The following ERCC5 variants were observed in gnomAD, a reference collection of about 807,000 sequenced individuals.
ERCC5 encodes the protein DNA excision repair protein ERCC-5.
Under a neutral mutation model 105.6 loss-of-function variants are expected in ERCC5, and 68 were observed. The ratio of observed to expected loss-of-function variants is 0.64; its 90% CI spans 0.53 to 0.79. The LOEUF (loss-of-function observed/expected upper bound fraction) is 0.79. ERCC5 is among the 30% of genes least tolerant of loss of function. The pLI is 0.00. For synonymous variants in ERCC5, 546 were observed against 526.2 expected (o/e 1.04, Z -0.51); for missense variants, 1,373 against 1,426.7 (o/e 0.96, Z 0.61).
At position 102,875,604 on chromosome 13, in the gene ERCC5, T is replaced by C; in HGVS notation, c.3262T>C (p.Leu1088=). 2 of 1,613,554 alleles carry C rather than the reference T, an allele frequency of 1.2e-6. No individual in the cohort carries two copies. The highest frequency in any genetic ancestry group is 1.7e-6 in the Non-Finnish European group (2 of 1,179,744). Residue 1088 remains leucine, a synonymous_variant, in exon 15 of 15, where the codon TTG becomes CTG. Transcript: ENST00000652225. The part of the protein sequence containing the change: ...SKGKNTCGGF[L]GETCLSESSD... ...AGGAAAGAATACATGCGGTGGATTT[T>C]TGGGGGAGACCTGCCTCTCAGAATC... is the stretch of plus-strand genomic sequence containing the variant.
At position 102,875,471 on chromosome 13, in the gene ERCC5, A is replaced by G. The variant is rs1054883581; in HGVS notation, c.3129A>G (p.Lys1043=). 6.2e-7 allele frequency: 1 copy of G among 1,614,096 alleles called. No homozygotes were observed. Among genetic ancestry groups the G allele is most frequent in the African/African-American group, 1.3e-5 (1 of 74,940 alleles). The change falls in exon 15 of 15, where the codon AAA becomes AAG. Residue 1043 remains lysine (K), a synonymous_variant. Transcript: ENST00000652225. ...EIEAVSVAME[K]EFELLDKAKG... is the part of the protein sequence containing the mutation. ...AAGCAGTTTCTGTTGCCATGGAGAA[A>G]GAATTTGAGCTACTTGATAAGGCAA... is the stretch of plus-strand genomic sequence containing the variant.
In ERCC5 at chr13:102,875,596, G is replaced by A. The variant is rs200330676; in HGVS notation, c.3254G>A (p.Gly1085Asp). 1.9e-6 allele frequency: 3 copies of A among 1,613,568 alleles called. No individual in the cohort carries two copies. The highest frequency in any genetic ancestry group is 2.5e-6 in the Non-Finnish European group (3 of 1,179,758). The change falls in exon 15 of 15, where the codon GGT (glycine) becomes GAT (aspartate). Residue 1085 changes from glycine to aspartate, a missense_variant. Physicochemically the swap from Gly to Asp is moderately conservative, Grantham distance 94. Transcript: ENST00000652225. ...LSDSKGKNTC[G>D]GFLGETCLSE... is the part of the protein sequence containing the mutation. ...GATTCTAAAGGAAAGAATACATGCG[G>A]TGGATTTTTGGGGGAGACCTGCCTC... is the stretch of plus-strand genomic sequence containing the variant.
intron 12 of ERCC5, among the ~76,000 whole-genome samples, chr13:102,870,326 C>T (rs1367890440): frequency 6.6e-6 from 1 of 152,148 alleles, no homozygotes; most frequent in Non-Finnish European, 1.5e-5. Flanking sequence ...AAATACTGGG[C>T]CTGAATTTCT....
In ERCC5 at chr13:102,854,319, C is replaced by T. The variant is rs188898060; in HGVS notation, c.412C>T (p.Arg138Ter). Reference protein sequence around the residue: ...DEALPSLTQVRRENDLYVLPP... With the variant: ...DEALPSLTQV Reference sequence around the variant, plus strand: ...AGCACTACCCAGTCTTACCCAAGTTCGAAGAGAAAACGACCTCTATGTTTT... The same window carrying T: ...AGCACTACCCAGTCTTACCCAAGTTTGAAGAGAAAACGACCTCTATGTTTT... Residue 138 changes from arginine (R) to a stop codon, truncating the protein, a stop_gained, in exon 4 of 15, where the codon CGA (arginine) becomes TGA (stop). Coordinates refer to ENST00000652225, the MANE Select transcript of ERCC5 (RefSeq NM_000123.4). LOFTEE classifies it high-confidence loss of function. 3.7e-6 allele frequency: 6 copies of T among 1,614,030 alleles called. No individual in the cohort carries two copies. Among genetic ancestry groups the T allele is most frequent in the East Asian group, 2.2e-5 (1 of 44,866 alleles).
chr13:102,866,416 T>A (rs759031745), intron 10 of ERCC5, 35 bp downstream of exon 10: 1 of 1,613,968 alleles, frequency 6.2e-7, no homozygotes, highest in South Asian at 1.1e-5. Context: ...CTTTACCACC[T>A]TCTTCAGACC....
intron 4 of ERCC5, among the ~76,000 whole-genome samples, chr13:102,855,103 T>C (rs1882362082): frequency 6.6e-6 from 1 of 152,232 alleles, no homozygotes; most frequent in African/African-American, 2.4e-5. Context: ...CTTTTAAACT[T>C]CTTTCTGTCT....
rs1372959301 is a variant in ERCC5 at position 102,854,320 on chromosome 13, G to A, written c.413G>A (p.Arg138Gln). The change falls in exon 4 of 15, where the codon CGA becomes CAA. Residue 138 changes from arginine to glutamine, a missense_variant. Physicochemically the swap from Arg to Gln is conservative, Grantham distance 43. Coordinates refer to ENST00000652225, the MANE Select transcript of ERCC5 (RefSeq NM_000123.4). ...DEALPSLTQVRRENDLYVLPP... is the reference protein window; with the variant it reads ...DEALPSLTQVQRENDLYVLPP... ...GCACTACCCAGTCTTACCCAAGTTC[G>A]AAGAGAAAACGACCTCTATGTTTTG... 6.2e-6 allele frequency: 10 copies of A among 1,614,032 alleles called. No homozygotes were observed. Among genetic ancestry groups the A allele is most frequent in the Non-Finnish European group, 8.5e-6 (10 of 1,180,048 alleles).
chr13:102,858,156 C>A, intron 5 of ERCC5, 119 bp from the exon 6 acceptor site: 1 of 1,414,698 alleles, frequency 7.1e-7, no homozygotes, highest in South Asian at 1.3e-5. Flanking sequence ...CTGTGTTTAG[C>A]CAATTGTTGA....
chr13:102,874,159 G>A (rs981925835), intron 14 of ERCC5, among the ~76,000 whole-genome samples: 1 of 152,064 alleles, frequency 6.6e-6, no homozygotes, highest in Non-Finnish European at 1.5e-5. Flanking sequence ...AAATTTTGTT[G>A]TAATATTTAT....
intron 3 of ERCC5, 200 bp downstream of exon 3, chr13:102,854,072 A>G: frequency 1.4e-6 from 1 of 732,120 alleles, no homozygotes; most frequent in Admixed American, 2.8e-5. Flanking sequence ...CAACTTTGCT[A>G]ATGAGAAAAA....
At chr13:102,851,655 A>G (rs1218511849) in intron 1 of ERCC5, among the ~76,000 whole-genome samples, 1 of 152,198 alleles carries the variant, frequency 6.6e-6, no homozygotes, top group Non-Finnish European at 1.5e-5. Flanking sequence ...TATTTTCATT[A>G]TTATAAACAA....
intron 5 of ERCC5, among the ~76,000 whole-genome samples, chr13:102,856,395 T>C (rs1882422328): frequency 6.6e-6 from 1 of 152,230 alleles, no homozygotes; most frequent in Non-Finnish European, 1.5e-5. Context: ...AATATGTGCT[T>C]ACATAGAAAA....
Position 102,875,544 on chromosome 13 carries a change from T to C in ERCC5, c.3202T>C (p.Ser1068Pro), listed in dbSNP as rs765888642. 6.2e-7 allele frequency: 1 copy of C among 1,613,314 alleles called. No individual in the cohort carries two copies. The highest frequency in any genetic ancestry group is 8.5e-7 in the Non-Finnish European group (1 of 1,179,736). Residue 1068 changes from serine to proline, a missense_variant, in exon 15 of 15, where the codon TCA becomes CCA. Coordinates refer to ENST00000652225, the MANE Select transcript of ERCC5 (RefSeq NM_000123.4). ...RGITNTLEES[S>P]SLKRKRLSDS... ...CATAACAAATACCTTAGAAGAGTCA[T>C]CAAGCCTGAAAAGAAAGAGGCTTTC...
chr13:102,873,461 T>G, intron 14 of ERCC5, 118 bp downstream of exon 14: 2 of 1,143,092 alleles, frequency 1.7e-6, no homozygotes, highest in Non-Finnish European at 2.6e-6. Flanking sequence ...GAAATTAGGA[T>G]AATTTAGATG....
At chr13:102,863,696 G>T (rs1331107897) in intron 8 of ERCC5, among the ~76,000 whole-genome samples, 1 of 152,186 alleles carries the variant, frequency 6.6e-6, no homozygotes, top group African/African-American at 2.4e-5. Flanking sequence ...AAAAGCTTGA[G>T]TTGCCACACT....
intron 8 of ERCC5, chr13:102,864,678 A>G (rs1032870162): frequency 2.0e-5 from 3 of 152,224 alleles, no homozygotes; most frequent in African/African-American, 7.2e-5. Flanking sequence ...CCATTTCACC[A>G]GGGAGCTCTG....
At chr13:102,867,881 T>A (rs574031001) in intron 11 of ERCC5, among the ~76,000 whole-genome samples, 1 of 152,342 alleles carries the variant, frequency 6.6e-6, no homozygotes, top group Admixed American at 6.5e-5. Context: ...GCTAGATAGC[T>A]AACTTTGGGG....
intron 7 of ERCC5, 76 bp from the exon 8 acceptor site, chr13:102,861,954 C>T: frequency 6.4e-7 from 1 of 1,558,912 alleles, no homozygotes; most frequent in Admixed American, 1.7e-5. Context: ...AACCAGTGTT[C>T]TCTTATCCAT....
At chr13:102,875,207 T>C in intron 14 of ERCC5, 100 bp from the exon 15 acceptor site, 1 of 1,288,036 alleles carries the variant, frequency 7.8e-7, no homozygotes, top group South Asian at 1.3e-5. Flanking sequence ...TCTGACATAG[T>C]AATCCAATGT....
Sources: allele counts gnomAD v4.1 joint callset (sites outside exome capture counted in the v4.1 genomes callset), GRCh38; gene constraint gnomAD v4.1.1; transcripts MANE v1.5; gene names NCBI Gene and HGNC (gene_info 2026-07-23, HGNC 2026-07-21).